CSMD2: variants seen among roughly 807,000 people sequenced by gnomAD.
CSMD2 encodes the protein CUB and Sushi multiple domains 2.
A neutral mutation model predicts 398.5 loss-of-function variants in CSMD2; 130 were observed. That is an observed-to-expected ratio of 0.33 (90% CI 0.28 to 0.38). CSMD2 has a LOEUF of 0.38. Among genes scored for constraint, CSMD2 ranks in the 10% least tolerant of loss-of-function variants. The pLI is 1.00. For synonymous variants in CSMD2, 1,828 were observed against 1,908.5 expected (o/e 0.96, Z 1.10); for missense variants, 3,829 against 4,764.9 (o/e 0.80, Z 5.78).
chr1:33,653,153 C>T (rs750906557), intron 27 of CSMD2, among the ~76,000 whole-genome samples: 7 of 152,100 alleles, frequency 4.6e-5, no homozygotes, highest in South Asian at 2.1e-4. Context: ...ATGTCTCTCC[C>T]GTATCATAAA....
intron 68 of CSMD2, among the ~76,000 whole-genome samples, chr1:33,520,658 G>A (rs954831451): frequency 2.6e-5 from 4 of 152,140 alleles, no homozygotes; most frequent in Non-Finnish European, 5.9e-5. Context: ...TCCGGGGGAG[G>A]AGCAGTGTGG....
intron 36 of CSMD2, among the ~76,000 whole-genome samples, chr1:33,623,149 C>G (rs1328197038): frequency 6.6e-6 from 1 of 152,060 alleles, no homozygotes; most frequent in Non-Finnish European, 1.5e-5. Context: ...CAAATGGGTA[C>G]CTGGTTTATT....
intron 31 of CSMD2, among the ~76,000 whole-genome samples, chr1:33,634,398 C>T (rs996075344): frequency 6.6e-6 from 1 of 152,234 alleles, no homozygotes; most frequent in Non-Finnish European, 1.5e-5. Flanking sequence ...GAATAAGGAG[C>T]TGGCTCTCTG....
At chr1:33,521,424 C>A in intron 68 of CSMD2, 39 bp downstream of exon 68, 3 of 1,043,208 alleles carry the variant, frequency 2.9e-6, no homozygotes, top group South Asian at 1.3e-5. Flanking sequence ...CTCTCCCACC[C>A]ACCCGGGCCC....
chr1:33,529,496 A>C (rs1246044237), intron 64 of CSMD2, among the ~76,000 whole-genome samples: 2 of 152,240 alleles, frequency 1.3e-5, no homozygotes, highest in African/African-American at 4.8e-5. Context: ...TTTATGGTCA[A>C]ATGATTTTTG....
chr1:34,147,000 G>A (rs1035121185), intron 1 of CSMD2, among the ~76,000 whole-genome samples: 12 of 152,190 alleles, frequency 7.9e-5, no homozygotes, highest in Admixed American at 4.6e-4. Flanking sequence ...GCTCATGCCT[G>A]TAATCCCACC....
chr1:33,760,794 G>GC (rs1649729798), intron 13 of CSMD2, among the ~76,000 whole-genome samples: 1 of 152,048 alleles, frequency 6.6e-6, no homozygotes, highest in Admixed American at 6.6e-5. Context: ...TCCCCACTCT[G>GC]CTGCTGATGG....
At chr1:33,830,903 G>C (rs1282804450) in intron 6 of CSMD2, among the ~76,000 whole-genome samples, 1 of 152,212 alleles carries the variant, frequency 6.6e-6, no homozygotes, top group East Asian at 1.9e-4. Context: ...CTGGAAGAAA[G>C]GGTATCAGTG....
In CSMD2 at chr1:34,145,332, T is replaced by C. The variant is rs1260688770; in HGVS notation, c.187+19579A>G. Among the ~76,000 whole-genome samples the C allele has an allele frequency of 2.0e-5, 3 of 152,050 alleles. 1 individual carries two copies. Among genetic ancestry groups the C allele is most frequent in the Non-Finnish European group, 1.5e-5 (1 of 67,988 alleles). On this transcript the variant is annotated intron_variant, in intron 1 of 70. Transcript: ENST00000373381. ...CATAAGAAGTTGGGAGGGGCTGAGGTTCTGTACCAGGACAGCAGAAAGGCA... is the reference window on the plus strand; with the variant it reads ...CATAAGAAGTTGGGAGGGGCTGAGGCTCTGTACCAGGACAGCAGAAAGGCA...
At chr1:33,617,271 G>A (rs911673446) in intron 38 of CSMD2, among the ~76,000 whole-genome samples, 1 of 152,224 alleles carries the variant, frequency 6.6e-6, no homozygotes, top group Non-Finnish European at 1.5e-5. Context: ...CCCTAAAGCC[G>A]AATCAAACCC....
chr1:33,903,273 AC>A (rs1642871223), intron 5 of CSMD2, among the ~76,000 whole-genome samples: 3 of 152,226 alleles, frequency 2.0e-5, no homozygotes, highest in African/African-American at 7.2e-5. Flanking sequence ...GAAAAAACAA[AC>A]AACTGAGAGA....
Position 34,067,575 on chromosome 1 carries a change from C to A in CSMD2, c.404+21402G>T, listed in dbSNP as rs61211982. On this transcript the variant is annotated intron_variant, in intron 2 of 70. Transcript: ENST00000373381. Reference sequence around the variant, plus strand: ...TGACTAGTCCATGAGCCAGTAGCACCAGCATCACCTGTGAGCTCCTTGGAA... The same window carrying A: ...TGACTAGTCCATGAGCCAGTAGCACAAGCATCACCTGTGAGCTCCTTGGAA... 1.1e-3 allele frequency among the ~76,000 whole-genome samples: 173 copies of A among 152,286 alleles called. 4 individuals carry two copies. In the East Asian group the frequency reaches 0.026, roughly 23 times the overall value.
At chr1:33,587,203 T>C in intron 44 of CSMD2, 35 bp from the exon 45 acceptor site, 2 of 1,454,134 alleles carry the variant, frequency 1.4e-6, no homozygotes, top group Non-Finnish European at 1.9e-6. Context: ...CAGGGTAAGA[T>C]CATCATTCTC....
At chr1:33,523,521 T>C (rs1002204780) in intron 66 of CSMD2, 102 bp from the exon 67 acceptor site, 14 of 644,356 alleles carry the variant, frequency 2.2e-5, no homozygotes, top group Non-Finnish European at 3.7e-5. Context: ...GAATTTCATG[T>C]GTAGATGTTG....
chr1:33,895,724 A>G (rs944443452), intron 5 of CSMD2, among the ~76,000 whole-genome samples: 1 of 152,108 alleles, frequency 6.6e-6, no homozygotes, highest in Non-Finnish European at 1.5e-5. Flanking sequence ...TGAGAGGGGG[A>G]TGCCGCATCT....
At chr1:34,101,498 T>G (rs1405592084) in intron 1 of CSMD2, among the ~76,000 whole-genome samples, 1 of 152,232 alleles carries the variant, frequency 6.6e-6, no homozygotes, top group East Asian at 1.9e-4. Context: ...CTCTCAATAG[T>G]TATGTCTAGG....
At chr1:34,079,299 T>C (rs1221956253) in intron 2 of CSMD2, among the ~76,000 whole-genome samples, 2 of 152,206 alleles carry the variant, frequency 1.3e-5, no homozygotes, top group East Asian at 3.8e-4. Flanking sequence ...GGTATCCCGA[T>C]TGGAAAGGAA....
intron 5 of CSMD2, among the ~76,000 whole-genome samples, chr1:33,901,585 C>T (rs1018144219): frequency 6.6e-6 from 1 of 152,180 alleles, no homozygotes; most frequent in Non-Finnish European, 1.5e-5. Flanking sequence ...CTAAAGGTTT[C>T]AGGAGGGAGA....
chr1:34,135,674 G>A (rs1266659521), intron 1 of CSMD2, among the ~76,000 whole-genome samples: 1 of 138,494 alleles, frequency 7.2e-6, no homozygotes, highest in African/African-American at 2.6e-5. Context: ...AGTAACTTAT[G>A]AAATATCATG....
Sources: gnomAD v4.1 joint callset for allele counts (sites outside exome capture counted in the v4.1 genomes callset) on GRCh38, gnomAD v4.1.1 for gene constraint, MANE v1.5 for transcripts, NCBI Gene and HGNC (gene_info 2026-07-23, HGNC 2026-07-21) for gene names.